The following NRP2 variants were observed in gnomAD, a reference collection of about 807,000 sequenced individuals.
The protein encoded by NRP2 is neuropilin 2.
A neutral mutation model predicts 110.4 loss-of-function variants in NRP2; 52 were observed. The ratio of observed to expected loss-of-function variants is 0.47; its 90% confidence interval spans 0.38 to 0.59. The LOEUF (loss-of-function observed/expected upper bound fraction) is 0.59. NRP2 is among the 20% of genes least tolerant of loss of function. The pLI, the probability that NRP2 is intolerant of heterozygous loss-of-function variation, is 0.00. For synonymous variants in NRP2, 508 were observed against 468.9 expected (o/e 1.08, Z -1.08); for missense variants, 1,049 against 1,203.0 (o/e 0.87, Z 1.89).
At chr2:205,712,719 G>C (rs527402153) in intron 2 of NRP2, among the ~76,000 whole-genome samples, 1 of 152,244 alleles carries the variant, frequency 6.6e-6, no homozygotes, top group African/African-American at 2.4e-5. Flanking sequence ...TATATAAAAG[G>C]CCCAGCCAGA....
intron 2 of NRP2, 193 bp downstream of exon 2, chr2:205,697,914 T>C: frequency 1.5e-6 from 1 of 661,604 alleles, no homozygotes; most frequent in Admixed American, 2.3e-5. Context: ...GATCCCACAG[T>C]ATGGTGGAAA....
chr2:205,719,800 C>A (rs1381653401), intron 3 of NRP2, among the ~76,000 whole-genome samples: 4 of 151,920 alleles, frequency 2.6e-5, no homozygotes, highest in African/African-American at 9.7e-5. Flanking sequence ...CTTCTACTTG[C>A]AGAGTTATTG....
chr2:205,724,088 C>A, intron 5 of NRP2, 148 bp downstream of exon 5: 1 of 829,958 alleles, frequency 1.2e-6, no homozygotes, highest in Non-Finnish European at 1.9e-6. Context: ...TGCCCACATC[C>A]TCTTGCCAGG....
At chr2:205,739,555 TAC>T (rs2057403194) in intron 7 of NRP2, among the ~76,000 whole-genome samples, 2 of 152,176 alleles carry the variant, frequency 1.3e-5, no homozygotes, top group Admixed American at 6.5e-5. Flanking sequence ...TAAGTAGATT[TAC>T]AGAGTCCCTT....
chr2:205,714,649 C>T (rs930748316), intron 2 of NRP2, among the ~76,000 whole-genome samples: 26 of 152,280 alleles, frequency 1.7e-4, no homozygotes, highest in Admixed American at 1.6e-3. Flanking sequence ...ACGGTCTTCT[C>T]AATCTGTGAC....
chr2:205,751,971 C>A (rs988194596), intron 11 of NRP2, among the ~76,000 whole-genome samples: 1 of 152,196 alleles, frequency 6.6e-6, no homozygotes, highest in African/African-American at 2.4e-5. Flanking sequence ...TTAGCTCATA[C>A]TGGATTTTTG....
Position 205,686,444 on chromosome 2 carries a change from G to A in NRP2, c.73+3081G>A, listed in dbSNP as rs1348550495. 6.6e-6 allele frequency among the ~76,000 whole-genome samples: 1 copy of A among 152,196 alleles called. No homozygotes were observed. Among genetic ancestry groups the A allele is most frequent in the Admixed American group, 6.5e-5 (1 of 15,284 alleles). ...TCACGGCCGATGCTTCATTTTCACT[G>A]ATTGATTTCTTTTTAATATCAACAC... On this transcript the variant is annotated intron_variant, in intron 1 of 16. Transcript: ENST00000357785. This position sits in a 1 kb window ranked among gnomAD's most constrained non-coding sequence, Gnocchi z 4.7.
intron 15 of NRP2, chr2:205,777,110 T>A (rs1489332313): frequency 3.0e-6 from 3 of 987,624 alleles, no homozygotes; most frequent in Non-Finnish European, 3.6e-6. Flanking sequence ...ACTGTACAAG[T>A]TTTGTTTACT....
intron 7 of NRP2, among the ~76,000 whole-genome samples, chr2:205,739,767 C>T (rs1199076326): frequency 2.0e-5 from 3 of 148,640 alleles, no homozygotes; most frequent in African/African-American, 7.4e-5. Context: ...ATCTGGAAAG[C>T]CAGGACTTGC....
intron 12 of NRP2, among the ~76,000 whole-genome samples, chr2:205,756,131 T>G (rs1042294825): frequency 1.3e-5 from 2 of 152,148 alleles, no homozygotes; most frequent in African/African-American, 4.8e-5. Context: ...TTTTTCAAGA[T>G]AGTCTTTCAA....
rs116597964 is a variant in NRP2 at position 205,747,197 on chromosome 2, G to T, written c.1786+1307G>T. On this transcript the variant is annotated intron_variant, in intron 10 of 16. Coordinates refer to ENST00000357785, the MANE Select transcript of NRP2 (RefSeq NM_003872.3). ...TTAAAATAATTTTCCTTCACAACCC[G>T]CTTCACTTATAAGCACTCACACACA... 9.8e-3 allele frequency among the ~76,000 whole-genome samples: 1,498 copies of T among 152,212 alleles called. 26 individuals carry two copies. The highest frequency in any genetic ancestry group is 0.034 in the African/African-American group (1,418 of 41,518).
intron 11 of NRP2, chr2:205,752,353 C>T (rs2057661539): frequency 4.8e-6 from 1 of 206,648 alleles, no homozygotes; most frequent in African/African-American, 2.3e-5. Context: ...TCACTTTCTC[C>T]TCACTGGGCA....
chr2:205,699,790 A>G (rs1044014652), intron 2 of NRP2, among the ~76,000 whole-genome samples: 27 of 152,240 alleles, frequency 1.8e-4, no homozygotes, highest in South Asian at 8.3e-4. Flanking sequence ...TTTTCTCCCC[A>G]TTCCATGACC....
chr2:205,783,718 T>C (rs552167528), intron 15 of NRP2, among the ~76,000 whole-genome samples: 1 of 152,354 alleles, frequency 6.6e-6, no homozygotes, highest in African/African-American at 2.4e-5. Flanking sequence ...TAGCAAGGAA[T>C]GGCGGGTGGA....
intron 16 of NRP2, 68 bp from the exon 17 acceptor site, chr2:205,794,686 G>A: frequency 6.6e-7 from 1 of 1,515,872 alleles, no homozygotes; most frequent in Non-Finnish European, 9.1e-7. Context: ...TCTGGGCTGG[G>A]GAGGCTCAGT....
intron 11 of NRP2, among the ~76,000 whole-genome samples, chr2:205,752,052 C>G (rs980972807): frequency 6.6e-6 from 1 of 152,184 alleles, no homozygotes; most frequent in Non-Finnish European, 1.5e-5. Flanking sequence ...ACCATCAAAG[C>G]AGACAGGACA....
chr2:205,749,675 G>A, intron 10 of NRP2, 50 bp from the exon 11 acceptor site: 2 of 1,442,230 alleles, frequency 1.4e-6, no homozygotes, highest in Non-Finnish European at 2.0e-6. Context: ...CTGCTGGGTT[G>A]CAACACAGGC....
In NRP2 at chr2:205,686,703, A is replaced by G. The variant is rs2056173926; in HGVS notation, c.73+3340A>G. On this transcript the variant is annotated intron_variant, in intron 1 of 16. Coordinates refer to ENST00000357785, the MANE Select transcript of NRP2 (RefSeq NM_003872.3). This position sits in a 1 kb window ranked among gnomAD's most constrained non-coding sequence, Gnocchi z 4.7. Reference sequence around the variant, plus strand: ...GAATCAGCTTTCCAGACCAAGTTTTAGGGGATCTTGCCCATATGCGTTGCG... The same window carrying G: ...GAATCAGCTTTCCAGACCAAGTTTTGGGGGATCTTGCCCATATGCGTTGCG... 6.6e-6 allele frequency among the ~76,000 whole-genome samples: 1 copy of G among 152,148 alleles called. No homozygotes were observed. The highest frequency in any genetic ancestry group is 2.1e-4 in the South Asian group (1 of 4,816).
At chr2:205,768,567 C>T (rs1216357503) in intron 15 of NRP2, 1 of 152,244 alleles carries the variant, frequency 6.6e-6, no homozygotes, top group East Asian at 1.9e-4. Context: ...GTACACTCTC[C>T]TTGAAACTGT....
Sources: allele counts gnomAD v4.1 joint callset (sites outside exome capture counted in the v4.1 genomes callset), GRCh38; gene constraint gnomAD v4.1.1; non-coding constraint Gnocchi (gnomAD v3.1); transcripts MANE v1.5; gene names NCBI Gene and HGNC (gene_info 2026-07-23, HGNC 2026-07-21).